Variants in PRKG1 observed in about 807,000 individuals in gnomAD.
PRKG1 encodes cGMP-dependent protein kinase 1.
PRKG1 carries 35 observed loss-of-function variants against 88.1 expected under a neutral mutation model. The observed-to-expected ratio is 0.40, with a 90% CI of 0.30 to 0.53. The LOEUF (loss-of-function observed/expected upper bound fraction) is 0.53. PRKG1 is among the 20% of genes least tolerant of loss of function. PRKG1 has a pLI of 0.59. For missense variants in PRKG1, 540 were observed against 839.8 expected (o/e 0.64, Z 4.41); for synonymous variants, 303 against 292.5 (o/e 1.04, Z -0.37).
At chr10:51,506,414 A>G (rs1291969172) in intron 3 of PRKG1, among the ~76,000 whole-genome samples, 1 of 151,990 alleles carries the variant, frequency 6.6e-6, no homozygotes, top group Non-Finnish European at 1.5e-5. Flanking sequence ...CATCTGACAA[A>G]GGGCTAATAT....
chr10:51,714,927 A>T (rs1034473381), intron 3 of PRKG1, among the ~76,000 whole-genome samples: 3 of 152,226 alleles, frequency 2.0e-5, no homozygotes, highest in African/African-American at 7.2e-5. Context: ...ATGTGTTCTT[A>T]TGAAATTATC....
At chr10:52,134,378 A>T (rs1396917782) in intron 8 of PRKG1, among the ~76,000 whole-genome samples, 1 of 152,184 alleles carries the variant, frequency 6.6e-6, no homozygotes, top group Non-Finnish European at 1.5e-5. Context: ...CATTTAGGGA[A>T]GAAACTTTTG....
chr10:51,715,531 G>A (rs1047220044), intron 3 of PRKG1, among the ~76,000 whole-genome samples: 1 of 152,136 alleles, frequency 6.6e-6, no homozygotes, highest in Non-Finnish European at 1.5e-5. Flanking sequence ...CAAGTGGAGG[G>A]CATTAATGTG....
intron 2 of PRKG1, among the ~76,000 whole-genome samples, chr10:51,410,720 C>A (rs904165641): frequency 4.6e-5 from 7 of 152,040 alleles, no homozygotes; most frequent in African/African-American, 1.7e-4. Flanking sequence ...ATTGTACAAA[C>A]AAGGAAATTA....
chr10:51,380,879 A>G (rs577709946), intron 2 of PRKG1, among the ~76,000 whole-genome samples: 5 of 152,290 alleles, frequency 3.3e-5, no homozygotes, highest in South Asian at 2.1e-4. Flanking sequence ...TACTCGACCA[A>G]TGAGGAACTG....
intron 3 of PRKG1, among the ~76,000 whole-genome samples, chr10:51,624,487 G>A (rs1839285611): frequency 1.3e-5 from 2 of 152,174 alleles, no homozygotes; most frequent in Non-Finnish European, 2.9e-5. Flanking sequence ...GAAGCTCAGT[G>A]TTCAATTCTT....
At chr10:51,602,847 T>C (rs1252099094) in intron 3 of PRKG1, among the ~76,000 whole-genome samples, 2 of 151,982 alleles carry the variant, frequency 1.3e-5, no homozygotes, top group African/African-American at 4.8e-5. Context: ...AGATTATATT[T>C]ATAATCATAT....
chr10:51,409,932 G>A (rs549876530), intron 2 of PRKG1, among the ~76,000 whole-genome samples: 6 of 149,642 alleles, frequency 4.0e-5, no homozygotes, highest in East Asian at 2.0e-4. Flanking sequence ...GATCTCTACC[G>A]TGATTCACCT....
At chr10:51,900,622 C>T (rs2132931637) in intron 4 of PRKG1, among the ~76,000 whole-genome samples, 1 of 152,216 alleles carries the variant, frequency 6.6e-6, no homozygotes. Context: ...TTTATGCTTA[C>T]AGTGGCAGAT....
At position 51,002,196 on chromosome 10, in the gene PRKG1, G is replaced by A. The variant is rs77500611; in HGVS notation, c.266+10552G>A. Among the ~76,000 whole-genome samples, 901 of 151,754 alleles carry A rather than the reference G, an allele frequency of 5.9e-3. 9 individuals are homozygous for A. The highest frequency in any genetic ancestry group is 0.02 in the African/African-American group (848 of 41,430). On this transcript the variant is annotated intron_variant, in intron 1 of 17. Transcript: ENST00000401604. Reference sequence around the variant, plus strand: ...AATAGTAGTAAAAAAAAAAAAGTATGTGTGAGGAGACTAAAGGAATGGCTT... The same window carrying A: ...AATAGTAGTAAAAAAAAAAAAGTATATGTGAGGAGACTAAAGGAATGGCTT...
At chr10:51,779,912 G>A (rs1001399991) in intron 3 of PRKG1, among the ~76,000 whole-genome samples, 1 of 152,072 alleles carries the variant, frequency 6.6e-6, no homozygotes, top group African/African-American at 2.4e-5. Context: ...GAGCTGAATT[G>A]CCTGGGGAAA....
chr10:51,664,633 G>A (rs1192182722), intron 3 of PRKG1, among the ~76,000 whole-genome samples: 2 of 152,168 alleles, frequency 1.3e-5, no homozygotes, highest in South Asian at 2.1e-4. Flanking sequence ...CAGATACTGA[G>A]GGCGAATAAG....
chr10:51,395,280 A>G (rs780768566), intron 2 of PRKG1, among the ~76,000 whole-genome samples: 16 of 152,216 alleles, frequency 1.1e-4, no homozygotes, highest in African/African-American at 4.8e-5. Context: ...CTCTCTCCAC[A>G]TAGTAACCTG....
chr10:51,355,223 A>C (rs1341577885), intron 2 of PRKG1, among the ~76,000 whole-genome samples: 4 of 152,080 alleles, frequency 2.6e-5, no homozygotes, highest in Admixed American at 2.0e-4. Context: ...TGTATTTTAG[A>C]GGTACGTAAT....
intron 1 of PRKG1, among the ~76,000 whole-genome samples, chr10:51,090,562 T>C (rs1389885114): frequency 6.6e-6 from 1 of 152,194 alleles, no homozygotes; most frequent in African/African-American, 2.4e-5. Flanking sequence ...CTGAGCACTA[T>C]GTATTTAAAC....
At chr10:51,286,893 T>C (rs1840454611) in intron 2 of PRKG1, among the ~76,000 whole-genome samples, 1 of 152,176 alleles carries the variant, frequency 6.6e-6, no homozygotes, top group Non-Finnish European at 1.5e-5. Flanking sequence ...TTTTGTCTTG[T>C]TGAGACAGGG....
At chr10:51,227,896 C>G (rs938620005) in intron 2 of PRKG1, among the ~76,000 whole-genome samples, 1 of 152,138 alleles carries the variant, frequency 6.6e-6, no homozygotes, top group Non-Finnish European at 1.5e-5. Flanking sequence ...TTGTGCCAAA[C>G]GACTGTGGAG....
At position 51,377,234 on chromosome 10, in the gene PRKG1, T is replaced by A. The variant is rs796325251; in HGVS notation, c.479-90489T>A. 2.0e-5 allele frequency among the ~76,000 whole-genome samples: 3 copies of A among 152,322 alleles called. 1 individual carries two copies. The highest frequency in any genetic ancestry group is 7.2e-5 in the African/African-American group (3 of 41,582). On this transcript the variant is annotated intron_variant, in intron 2 of 17. Coordinates refer to ENST00000373980, the MANE Select transcript of PRKG1 (RefSeq NM_006258.4). ...AAACCTGAATATTTGGACAAACAAC[T>A]AATTCTATTTCTTGCTACCAGTGTG...
intron 4 of PRKG1, among the ~76,000 whole-genome samples, chr10:51,856,654 A>G (rs1840686616): frequency 6.6e-6 from 1 of 152,218 alleles, no homozygotes; most frequent in African/African-American, 2.4e-5. Context: ...GCTTAGAGCA[A>G]TGTTTGCCAC....
Sources: allele counts gnomAD v4.1 joint callset (sites outside exome capture counted in the v4.1 genomes callset), GRCh38; gene constraint gnomAD v4.1.1; transcripts MANE v1.5; gene names NCBI Gene and HGNC (gene_info 2026-07-23, HGNC 2026-07-21).